Variants in SOX5 observed in about 807,000 individuals in gnomAD.
The protein encoded by SOX5 is transcription factor SOX-5.
Under a neutral mutation model 92.0 loss-of-function variants are expected in SOX5, and 9 were observed. That is an observed-to-expected ratio of 0.10 (90% confidence interval 0.06 to 0.17). SOX5 has a LOEUF of 0.17. Among genes scored for constraint, SOX5 ranks in the 10% least tolerant of loss-of-function variants. The probability of loss-of-function intolerance (pLI) is 1.00; values close to 1 mark genes in which losing one functional copy is unlikely to be tolerated. For synonymous variants in SOX5, 344 were observed against 336.3 expected (o/e 1.02, Z -0.25); for missense variants, 642 against 944.5 (o/e 0.68, Z 4.20).
chr12:24,161,245 T>C (rs964239971), intron 4 of SOX5, among the ~76,000 whole-genome samples: 25 of 152,106 alleles, frequency 1.6e-4, no homozygotes, highest in African/African-American at 5.6e-4. Context: ...AAGTTACTTC[T>C]TACTGAACTT....
Position 24,106,805 on chromosome 12 carries a change from A to ATAATAATAATAATAATAATAATAATAT in SOX5, c.-2+106537_-2+106538insATATTATTATTATTATTATTATTATTA, listed in dbSNP as rs1483997790. Among the ~76,000 whole-genome samples the ATAATAATAATAATAATAATAATAATAT allele has an allele frequency of 5.9e-5, 8 of 135,486 alleles. No individual in the cohort carries two copies. The South Asian group carries it at 1.8e-3, about 30-fold the overall frequency. 88.9% of individuals were successfully genotyped at this position (135,486 alleles called of 152,430 possible). On this transcript the variant is annotated intron_variant, in intron 4 of 4. Coordinates refer to the SOX5 transcript ENST00000446891. ...AGACTCGTCTCAAATAATAATAATA[A>ATAATAATAATAATAATAATAATAATAT]TAATAATAATAATAATAATAATAAT...
chr12:24,305,120 G>A lies in SOX5; in HGVS notation c.-173-27808C>T, dbSNP rs532404836. On this transcript the variant is annotated intron_variant, in intron 2 of 4. Coordinates refer to the SOX5 transcript ENST00000446891. ...CTGGTAGAATTGTGGCCTGAGAGTCGATAATTATGTTATTATGACTAATTA... is the reference window on the plus strand; with the variant it reads ...CTGGTAGAATTGTGGCCTGAGAGTCAATAATTATGTTATTATGACTAATTA... 3.9e-5 allele frequency among the ~76,000 whole-genome samples: 6 copies of A among 152,206 alleles called. No homozygotes were observed. In the East Asian group the frequency reaches 7.7e-4, roughly 20 times the overall value.
chr12:23,906,628 T>C (rs1488722906), intron 1 of SOX5, among the ~76,000 whole-genome samples: 1 of 152,234 alleles, frequency 6.6e-6, no homozygotes, highest in East Asian at 1.9e-4. Context: ...ACATACCCCA[T>C]TCCTGGGACA....
At chr12:23,872,561 C>T (rs2096886796) in intron 2 of SOX5, among the ~76,000 whole-genome samples, 1 of 152,044 alleles carries the variant, frequency 6.6e-6, no homozygotes, top group Non-Finnish European at 1.5e-5. Flanking sequence ...CAGGTAGACA[C>T]TGGCAGTAAA....
Position 24,075,277 on chromosome 12 carries a change from TAAAAAAA to T in SOX5, c.-2+138059_-2+138065del, listed in dbSNP as rs59967372. ...AGAGTAAGACCCTGTCTCAAATTATTAAAAAAAAAAAAAAAAAAAAAAAAAAGTCAGT... is the reference window on the plus strand; with the variant it reads ...AGAGTAAGACCCTGTCTCAAATTATTAAAAAAAAAAAAAAAAAAAGTCAGT... On this transcript the variant is annotated intron_variant, in intron 4 of 4. Coordinates refer to the SOX5 transcript ENST00000446891. 6.6e-5 allele frequency among the ~76,000 whole-genome samples: 5 copies of T among 75,784 alleles called. No individual in the cohort carries two copies. The South Asian group carries it at 3.0e-3, about 46-fold the overall frequency. 49.7% of individuals were successfully genotyped at this position (75,784 alleles called of 152,430 possible).
At chr12:24,099,048 G>T (rs915179933) in intron 4 of SOX5, among the ~76,000 whole-genome samples, 1 of 152,118 alleles carries the variant, frequency 6.6e-6, no homozygotes, top group African/African-American at 2.4e-5. Flanking sequence ...TCTCTAAGAG[G>T]TCAAAACCTG....
At chr12:24,524,214 C>T (rs1215542587) in intron 1 of SOX5, among the ~76,000 whole-genome samples, 1 of 152,208 alleles carries the variant, frequency 6.6e-6, no homozygotes, top group Non-Finnish European at 1.5e-5. Context: ...TTCTCTGGTT[C>T]TGACGTTTTA....
intron 1 of SOX5, among the ~76,000 whole-genome samples, chr12:24,439,104 G>T (rs528884736): frequency 6.6e-6 from 1 of 152,168 alleles, no homozygotes; most frequent in Non-Finnish European, 1.5e-5. Flanking sequence ...TGATCAATCC[G>T]CAGCCATCAA....
intron 1 of SOX5, among the ~76,000 whole-genome samples, chr12:24,416,969 C>T (rs1373925253): frequency 6.6e-6 from 1 of 152,152 alleles, no homozygotes; most frequent in Non-Finnish European, 1.5e-5. Context: ...CCTGTGTTTC[C>T]TCCCGCTGCA....
At position 24,514,047 on chromosome 12, in the gene SOX5, A is replaced by C. The variant is rs61132785; in HGVS notation, c.-251+48282T>G. 3.8e-3 allele frequency among the ~76,000 whole-genome samples: 576 copies of C among 152,288 alleles called. 1 individual carries two copies. Among genetic ancestry groups the C allele is most frequent in the African/African-American group, 0.013 (537 of 41,564 alleles). On this transcript the variant is annotated intron_variant, in intron 1 of 4. Coordinates refer to the SOX5 transcript ENST00000446891. ...ATCTCTTCTACAGGACAGTCCTTCA[A>C]ATAGTTGAAGAGAATTATGGTGTCC...
chr12:24,152,191 A>G (rs550080669), intron 4 of SOX5, among the ~76,000 whole-genome samples: 2 of 152,282 alleles, frequency 1.3e-5, no homozygotes, highest in East Asian at 3.9e-4. Flanking sequence ...AAGTTGACAT[A>G]TGTCATGGGT....
At chr12:24,085,916 A>C (rs1364470961) in intron 4 of SOX5, among the ~76,000 whole-genome samples, 1 of 151,918 alleles carries the variant, frequency 6.6e-6, no homozygotes, top group East Asian at 1.9e-4. Flanking sequence ...CAGGTAAGAT[A>C]AACATCATAA....
intron 1 of SOX5, among the ~76,000 whole-genome samples, chr12:24,474,992 A>T (rs1212700305): frequency 3.0e-4 from 45 of 152,084 alleles, no homozygotes; most frequent in Admixed American, 2.9e-3. Context: ...CTGGGATTAC[A>T]GGCACACACC....
intron 1 of SOX5, among the ~76,000 whole-genome samples, chr12:23,898,635 T>C (rs1178335753): frequency 6.6e-6 from 1 of 152,250 alleles, no homozygotes; most frequent in African/African-American, 2.4e-5. Context: ...AAAACCTAAA[T>C]TAACTTTCTA....
At chr12:23,724,127 T>C (rs1434692000) in intron 6 of SOX5, among the ~76,000 whole-genome samples, 1 of 152,226 alleles carries the variant, frequency 6.6e-6, no homozygotes. Flanking sequence ...GCCAACCTGA[T>C]AGATTTAACT....
chr12:24,103,204 G>A (rs2138004124), intron 4 of SOX5, among the ~76,000 whole-genome samples: 1 of 152,292 alleles, frequency 6.6e-6, no homozygotes, highest in African/African-American at 2.4e-5. Flanking sequence ...ACAAATTAAG[G>A]AACATTATGA....
intron 4 of SOX5, among the ~76,000 whole-genome samples, chr12:24,090,117 C>T (rs1341079984): frequency 2.0e-5 from 3 of 151,742 alleles, no homozygotes; most frequent in Admixed American, 6.6e-5. Flanking sequence ...TCTAGAAATC[C>T]CCAGAATATG....
At position 24,105,552 on chromosome 12, in the gene SOX5, C is replaced by T. The variant is rs537805205; in HGVS notation, c.-2+107791G>A. Reference sequence around the variant, plus strand: ...CAAGACTCTGTCTTAATCAATCAATCAATCAATCAATAAACAAACAAACCC... The same window carrying T: ...CAAGACTCTGTCTTAATCAATCAATTAATCAATCAATAAACAAACAAACCC... On this transcript the variant is annotated intron_variant, in intron 4 of 4. Coordinates refer to the SOX5 transcript ENST00000446891. Among the ~76,000 whole-genome samples, 5 of 152,168 alleles carry T rather than the reference C, an allele frequency of 3.3e-5. No homozygotes were observed. The South Asian group carries it at 1.0e-3, about 32-fold the overall frequency.
intron 4 of SOX5, among the ~76,000 whole-genome samples, chr12:24,045,026 A>T (rs1184384686): frequency 1.3e-5 from 2 of 152,228 alleles, no homozygotes; most frequent in African/African-American, 4.8e-5. Flanking sequence ...TTCCAAAAAA[A>T]TCTGAGCAGG....
Sources: gnomAD v4.1 joint callset for allele counts (sites outside exome capture counted in the v4.1 genomes callset) on GRCh38, gnomAD v4.1.1 for gene constraint, MANE v1.5 for transcripts, NCBI Gene and HGNC (gene_info 2026-07-23, HGNC 2026-07-21) for gene names.